Variants in CSMD1 observed in about 807,000 individuals in gnomAD.
CSMD1 encodes CUB and sushi domain-containing protein 1.
CSMD1 carries 213 observed loss-of-function variants against 417.5 expected under a neutral mutation model. That is an observed-to-expected ratio of 0.51 (90% CI 0.46 to 0.57). The LOEUF (loss-of-function observed/expected upper bound fraction) is 0.57. Among genes scored for constraint, CSMD1 ranks in the 20% least tolerant of loss-of-function variants. The probability of loss-of-function intolerance (pLI) is 0.00; values close to 1 mark genes in which losing one functional copy is unlikely to be tolerated. For missense variants in CSMD1, 6,923 were observed against 4,529.7 expected, an observed-to-expected ratio of 1.53 and a Z score of -15.17; for synonymous variants, 2,862 against 1,736.8, an observed-to-expected ratio of 1.65 and a Z score of -16.11.
chr8:4,840,954 A>C (rs1236736830), intron 1 of CSMD1, among the ~76,000 whole-genome samples: 1 of 152,212 alleles, frequency 6.6e-6, no homozygotes, highest in African/African-American at 2.4e-5. Context: ...ACTTTTAAAA[A>C]ACAAGTGCAC....
At chr8:3,523,060 TA>T (rs528205956) in intron 10 of CSMD1, among the ~76,000 whole-genome samples, 3 of 150,814 alleles carry the variant, frequency 2.0e-5, no homozygotes, top group African/African-American at 7.3e-5. Context: ...AAATAAGAGT[TA>T]AAAATTGAAT....
chr8:4,408,144 T>C (rs924361015), intron 3 of CSMD1, among the ~76,000 whole-genome samples: 1 of 152,208 alleles, frequency 6.6e-6, no homozygotes, highest in African/African-American at 2.4e-5. Flanking sequence ...CGAGTACACA[T>C]GTGATTTAAA....
chr8:4,911,974 A>C (rs757969211), intron 1 of CSMD1, among the ~76,000 whole-genome samples: 3 of 152,062 alleles, frequency 2.0e-5, no homozygotes, highest in Non-Finnish European at 2.9e-5. Flanking sequence ...TCAGTTTAAT[A>C]ATTTCTCCAC....
chr8:3,533,854 G>T (rs1798080629), intron 10 of CSMD1, among the ~76,000 whole-genome samples: 1 of 152,228 alleles, frequency 6.6e-6, no homozygotes, highest in Admixed American at 6.5e-5. Context: ...AGAGATCTTA[G>T]TCTGTAGGTA....
intron 1 of CSMD1, among the ~76,000 whole-genome samples, chr8:4,972,980 G>A (rs979633168): frequency 1.3e-5 from 2 of 151,964 alleles, no homozygotes; most frequent in African/African-American, 4.8e-5. Context: ...AAATCACTTG[G>A]ACTTTCTGTG....
intron 12 of CSMD1, among the ~76,000 whole-genome samples, chr8:3,425,481 G>C (rs1813777826): frequency 1.3e-5 from 2 of 151,780 alleles, no homozygotes; most frequent in Admixed American, 1.3e-4. Flanking sequence ...TCAGCTACTT[G>C]GGAGGCTGAG....
At chr8:4,461,992 C>T (rs1032055840) in intron 2 of CSMD1, among the ~76,000 whole-genome samples, 5 of 152,036 alleles carry the variant, frequency 3.3e-5, no homozygotes, top group South Asian at 2.1e-4. Flanking sequence ...CCGCCCACCT[C>T]GGCCTCCCAA....
In CSMD1 at chr8:4,837,886, G is replaced by A. The variant is rs1008834887; in HGVS notation, c.85+156446C>T. ...TACCCCATAAATATATACACCTAAC[G>A]TGAACCCCAAAATTAAAAAAAAATA... On this transcript the variant is annotated intron_variant, in intron 1 of 69. Transcript: ENST00000635120. Among the ~76,000 whole-genome samples the A allele has an allele frequency of 1.8e-3, 274 of 151,834 alleles. 2 individuals carry two copies. The highest frequency in any genetic ancestry group is 5.4e-4 in the Non-Finnish European group (37 of 67,968).
At chr8:4,239,624 G>A (rs1057430969) in intron 3 of CSMD1, among the ~76,000 whole-genome samples, 2 of 152,146 alleles carry the variant, frequency 1.3e-5, no homozygotes, top group Non-Finnish European at 2.9e-5. Flanking sequence ...TCCACCTAGA[G>A]AACCCAAACT....
Position 4,897,918 on chromosome 8 carries a change from G to C in CSMD1, c.85+96414C>G, listed in dbSNP as rs188540134. 2.0e-3 allele frequency among the ~76,000 whole-genome samples: 307 copies of C among 152,128 alleles called. 2 individuals carry two copies. The highest frequency in any genetic ancestry group is 2.7e-3 in the Non-Finnish European group (185 of 68,008). On this transcript the variant is annotated intron_variant, in intron 1 of 69. Coordinates refer to ENST00000635120, the MANE Select transcript of CSMD1 (RefSeq NM_033225.6). ...GAGCAAGGCGTGGCTTTGTTAAGTG[G>C]GGACATTAGATTCTAAACATAAGTC...
At chr8:4,363,300 C>T (rs1172764849) in intron 3 of CSMD1, among the ~76,000 whole-genome samples, 1 of 152,140 alleles carries the variant, frequency 6.6e-6, no homozygotes, top group Non-Finnish European at 1.5e-5. Context: ...TCCCTCCTGC[C>T]CGTCATGAAA....
At chr8:4,675,495 A>T (rs2725016) in intron 1 of CSMD1, among the ~76,000 whole-genome samples, 112,088 of 152,036 alleles carry the variant, frequency 0.74, 42,512 homozygotes, top group African/African-American at 0.92. Flanking sequence ...CAAGTCATAA[A>T]TCAAACCAGA....
intron 17 of CSMD1, among the ~76,000 whole-genome samples, chr8:3,393,977 T>C (rs1811509255): frequency 1.4e-5 from 1 of 73,202 alleles, no homozygotes; most frequent in African/African-American, 5.0e-5. Flanking sequence ...ACCCTAGAAC[T>C]TAACGTATAA....
At chr8:4,892,059 G>A (rs749680267) in intron 1 of CSMD1, among the ~76,000 whole-genome samples, 1 of 152,116 alleles carries the variant, frequency 6.6e-6, no homozygotes, top group Non-Finnish European at 1.5e-5. Context: ...TTCTGAGTCA[G>A]TAGAAGGTGC....
At chr8:3,968,383 G>C (rs974612756) in intron 5 of CSMD1, among the ~76,000 whole-genome samples, 2 of 152,096 alleles carry the variant, frequency 1.3e-5, no homozygotes, top group Admixed American at 1.3e-4. Flanking sequence ...AGCTCAGTGT[G>C]GTCACTGAGC....
intron 5 of CSMD1, among the ~76,000 whole-genome samples, chr8:3,827,952 G>A (rs1802149773): frequency 2.6e-5 from 4 of 152,264 alleles, no homozygotes; most frequent in Admixed American, 2.6e-4. Context: ...TATCTATCCT[G>A]ACATTGCTAA....
chr8:3,072,279 C>G (rs1032547638), intron 49 of CSMD1, among the ~76,000 whole-genome samples: 5 of 152,158 alleles, frequency 3.3e-5, no homozygotes, highest in Admixed American at 1.3e-4. Context: ...GCTGACCAAA[C>G]TAGGAGTATG....
chr8:4,483,297 G>A (rs1801203888), intron 2 of CSMD1, among the ~76,000 whole-genome samples: 1 of 152,096 alleles, frequency 6.6e-6, no homozygotes, highest in South Asian at 2.1e-4. Flanking sequence ...TCTTTCTTTT[G>A]GGAATAGACC....
intron 63 of CSMD1, among the ~76,000 whole-genome samples, chr8:2,957,224 C>T (rs1803079403): frequency 6.6e-6 from 1 of 152,144 alleles, no homozygotes; most frequent in African/African-American, 2.4e-5. Flanking sequence ...ATTTTTTAAA[C>T]ACTTCTACTT....
Sources: gnomAD v4.1 joint callset for allele counts (sites outside exome capture counted in the v4.1 genomes callset) on GRCh38, gnomAD v4.1.1 for gene constraint, MANE v1.5 for transcripts, NCBI Gene and HGNC (gene_info 2026-07-23, HGNC 2026-07-21) for gene names.